SUMF1: variants seen among roughly 807,000 people sequenced by gnomAD.
SUMF1 encodes formylglycine-generating enzyme.
In SUMF1, 48 loss-of-function variants were observed where a neutral mutation model predicts 47.6. The observed-to-expected ratio is 1.01, with a 90% CI of 0.80 to 1.28. The LOEUF (loss-of-function observed/expected upper bound fraction) is 1.28, where lower values mean the gene tolerates loss of function less well. Among genes scored for constraint, SUMF1 ranks in the 50% most tolerant of loss-of-function variants. The pLI is 0.00. For synonymous variants in SUMF1, 230 were observed against 192.1 expected (o/e 1.20, Z -1.63); for missense variants, 571 against 485.4 (o/e 1.18, Z -1.66).
chr3:4,122,574 G>GA (rs1056994568), intron 8 of SUMF1, among the ~76,000 whole-genome samples: 4 of 152,080 alleles, frequency 2.6e-5, no homozygotes, highest in Admixed American at 1.3e-4. Context: ...TCACCTCAAT[G>GA]AAAAAAACTC....
At chr3:4,231,353 T>C (rs1696295050) in intron 8 of SUMF1, among the ~76,000 whole-genome samples, 2 of 152,114 alleles carry the variant, frequency 1.3e-5, no homozygotes, top group South Asian at 2.1e-4. Flanking sequence ...GGTTTTTAAA[T>C]GCAACGACCT....
In SUMF1 at chr3:4,151,554, TATACACACAC is replaced by T. The variant is rs1264081767; in HGVS notation, c.1015-82819_1015-82810del. Among the ~76,000 whole-genome samples the T allele has an allele frequency of 6.1e-4, 60 of 98,242 alleles. 1 individual carries two copies. The highest frequency in any genetic ancestry group is 2.3e-3 in the African/African-American group (54 of 23,118). 64.5% of individuals were successfully genotyped at this position (98,242 alleles called of 152,430 possible). Reference sequence around the variant, plus strand: ...ATATGTGTATATATATGTGTGTGTATATACACACACACACACACACACACACACACACACA... The same window carrying T: ...ATATGTGTATATATATGTGTGTGTATACACACACACACACACACACACACA... On this transcript the variant is annotated intron_variant and NMD_transcript_variant, in intron 8 of 12. Coordinates refer to the SUMF1 transcript ENST00000448413.
At chr3:4,423,315 C>CACAA (rs1491344267) in intron 3 of SUMF1, among the ~76,000 whole-genome samples, 2 of 143,618 alleles carry the variant, frequency 1.4e-5, no homozygotes, top group Admixed American at 7.0e-5. Context: ...CACACACACA[C>CACAA]AATGGAATAC....
chr3:4,082,460 C>A (rs1364226315), intron 8 of SUMF1, among the ~76,000 whole-genome samples: 1 of 151,804 alleles, frequency 6.6e-6, no homozygotes, highest in African/African-American at 2.4e-5. Context: ...CAGAGTGAGA[C>A]CCACCCTGTT....
chr3:4,336,044 T>A (rs1055514944), intron 8 of SUMF1, among the ~76,000 whole-genome samples: 1 of 145,472 alleles, frequency 6.9e-6, no homozygotes, highest in Non-Finnish European at 1.5e-5. Flanking sequence ...AAGGGCCAAA[T>A]CTACCCGGAG....
chr3:4,316,703 C>T, intron 8 of SUMF1: 2 of 1,550,966 alleles, frequency 1.3e-6, no homozygotes, highest in Non-Finnish European at 1.7e-6. Context: ...TATATGACAA[C>T]CGGCGACGAT....
At chr3:4,091,387 C>A (rs1045813347) in intron 8 of SUMF1, among the ~76,000 whole-genome samples, 1 of 152,058 alleles carries the variant, frequency 6.6e-6, no homozygotes, top group Non-Finnish European at 1.5e-5. Context: ...TTTCCTAAAG[C>A]TGTGTATATT....
intron 8 of SUMF1, among the ~76,000 whole-genome samples, chr3:4,347,581 G>C (rs948863416): frequency 6.6e-6 from 1 of 152,190 alleles, no homozygotes; most frequent in African/African-American, 2.4e-5. Context: ...ATATCTTATT[G>C]AATGGGCAAA....
At chr3:4,453,269 C>G (rs1703036538) in intron 1 of SUMF1, among the ~76,000 whole-genome samples, 2 of 152,200 alleles carry the variant, frequency 1.3e-5, no homozygotes. Flanking sequence ...CTTAATCAAA[C>G]CACTACTTGA....
intron 8 of SUMF1, chr3:4,316,480 G>A (rs139687727): frequency 1.1e-4 from 171 of 1,603,422 alleles, no homozygotes; most frequent in Non-Finnish European, 1.4e-4. Flanking sequence ...ACAACTACAC[G>A]AGAAGTTGCT....
intron 9 of SUMF1, among the ~76,000 whole-genome samples, chr3:4,063,481 T>C (rs1446168496): frequency 6.6e-6 from 1 of 152,098 alleles, no homozygotes; most frequent in Non-Finnish European, 1.5e-5. Context: ...GTTATATATA[T>C]ATTTACCCGT....
At chr3:4,268,068 G>C (rs1469816465) in intron 8 of SUMF1, among the ~76,000 whole-genome samples, 2 of 152,172 alleles carry the variant, frequency 1.3e-5, no homozygotes, top group Non-Finnish European at 2.9e-5. Flanking sequence ...AAAAAATGAT[G>C]AGTTCATGTT....
At chr3:4,147,598 C>A (rs1429594298) in intron 8 of SUMF1, among the ~76,000 whole-genome samples, 1 of 152,088 alleles carries the variant, frequency 6.6e-6, no homozygotes, top group African/African-American at 2.4e-5. Context: ...CTTTTTCTAG[C>A]CATTTTGAAA....
At chr3:4,441,556 T>C (rs564475841) in intron 3 of SUMF1, among the ~76,000 whole-genome samples, 1 of 152,310 alleles carries the variant, frequency 6.6e-6, no homozygotes, top group Admixed American at 6.5e-5. Flanking sequence ...TGATCTGTAG[T>C]ATAATATCCC....
At chr3:4,372,422 A>AT (rs369429025) in intron 8 of SUMF1, among the ~76,000 whole-genome samples, 1 of 152,048 alleles carries the variant, frequency 6.6e-6, no homozygotes, top group East Asian at 1.9e-4. Context: ...CTTTTTATTG[A>AT]TTTTTTTCCT....
intron 8 of SUMF1, among the ~76,000 whole-genome samples, chr3:4,368,863 C>G (rs1433841609): frequency 6.6e-6 from 1 of 152,086 alleles, no homozygotes; most frequent in East Asian, 1.9e-4. Context: ...TCCAAAAAAA[C>G]GGAGAATAAA....
intron 8 of SUMF1, among the ~76,000 whole-genome samples, chr3:4,317,953 A>G (rs1478375648): frequency 6.6e-6 from 1 of 152,164 alleles, no homozygotes; most frequent in Non-Finnish European, 1.5e-5. Flanking sequence ...CAAATGGCAG[A>G]CTTAAAGGGG....
intron 6 of SUMF1, among the ~76,000 whole-genome samples, chr3:4,416,269 T>C (rs990741656): frequency 1.3e-5 from 2 of 152,036 alleles, no homozygotes; most frequent in Non-Finnish European, 2.9e-5. Context: ...ATCAAAGACG[T>C]AGGTTAATAT....
chr3:4,315,457 A>C (rs9823990), intron 8 of SUMF1, among the ~76,000 whole-genome samples: 11,420 of 152,076 alleles, frequency 0.075, 494 homozygotes, highest in Middle Eastern at 0.13. Flanking sequence ...GCCCCCTCCA[A>C]CTCAGTGCCT....
Sources: gnomAD v4.1 joint callset for allele counts (sites outside exome capture counted in the v4.1 genomes callset) on GRCh38, gnomAD v4.1.1 for gene constraint, MANE v1.5 for transcripts, NCBI Gene and HGNC (gene_info 2026-07-23, HGNC 2026-07-21) for gene names.